Variants in TRPM5 observed in about 807,000 individuals in gnomAD.
TRPM5 encodes the protein transient receptor potential cation channel subfamily M member 5.
A neutral mutation model predicts 124.9 loss-of-function variants in TRPM5; 121 were observed. The ratio of observed to expected loss-of-function variants is 0.97; its 90% CI spans 0.84 to 1.13. The LOEUF (loss-of-function observed/expected upper bound fraction) is 1.13. Ranked by LOEUF, TRPM5 falls within the 50% of genes most tolerant of loss-of-function variation. The pLI, the probability that TRPM5 is intolerant of heterozygous loss-of-function variation, is 0.00. For missense variants in TRPM5, 1,643 were observed against 1,589.1 expected (o/e 1.03, Z -0.58); for synonymous variants, 781 against 700.5 (o/e 1.11, Z -1.81).
At chr11:2,440,079 C>T in the TRPM5 span, among the ~76,000 whole-genome samples, 16 of 152,244 alleles carry the variant, frequency 1.1e-4, no homozygotes, top group East Asian at 3.9e-4. This position sits in a 1 kb window ranked among gnomAD's most constrained non-coding sequence, Gnocchi z 5.2. Context: ...AACTGAGGAA[C>T]GGAAAACCAA....
chr11:2,406,284 A>G (rs1287297791), intron 21 of TRPM5, among the ~76,000 whole-genome samples, 193 bp from the exon 27 acceptor site: 3 of 152,012 alleles, frequency 2.0e-5, no homozygotes, highest in Non-Finnish European at 4.4e-5. Context: ...AGAGCGCTCT[A>G]TGCCTTCCCA....
chr11:2,414,009 G>GGGGGGGGCC, intron 12 of TRPM5, 52 bp downstream of exon 17: 5 of 1,023,730 alleles, frequency 4.9e-6, no homozygotes, highest in Non-Finnish European at 5.7e-6. Flanking sequence ...GGCCCAGCTC[G>GGGGGGGGCC]CCCGCCCACC....
exon 4 of TRPM5, chr11:2,420,278 G>A (rs1201076928): frequency 7.4e-6 from 12 of 1,611,890 alleles, no homozygotes; most frequent in African/African-American, 5.3e-5. Flanking sequence ...CCGCAGCTCC[G>A]TCAGCCCATC....
chr11:2,437,632 A>C, the TRPM5 span, among the ~76,000 whole-genome samples: 1 of 152,198 alleles, frequency 6.6e-6, no homozygotes, highest in Non-Finnish European at 1.5e-5. This position sits in a 1 kb window ranked among gnomAD's most constrained non-coding sequence, Gnocchi z 5.6. Flanking sequence ...GGGGACCCTC[A>C]GGACATTCCA....
At chr11:2,425,390 G>T (rs557322878), upstream of TRPM5, among the ~76,000 whole-genome samples, 8 of 152,098 alleles carry the variant, frequency 5.3e-5, no homozygotes, top group African/African-American at 1.7e-4. Context: ...CTTGGTTGCC[G>T]CATGGTCTGC....
chr11:2,434,313 G>C, the TRPM5 span, among the ~76,000 whole-genome samples: 1 of 152,098 alleles, frequency 6.6e-6, no homozygotes, highest in South Asian at 2.1e-4. Flanking sequence ...CTGTGTGTGT[G>C]TGGACACTGT....
At chr11:2,405,365 G>A (rs1472766896) in intron 23 of TRPM5, among the ~76,000 whole-genome samples, 162 bp downstream of exon 28, 7 of 152,216 alleles carry the variant, frequency 4.6e-5, no homozygotes, top group Admixed American at 2.0e-4. Flanking sequence ...CTCCGTCAGA[G>A]GGCACCCACA....
At chr11:2,421,240 G>C in intron 2 of TRPM5, 42 bp from the exon 8 acceptor site, 8 of 1,516,616 alleles carry the variant, frequency 5.3e-6, no homozygotes, top group Non-Finnish European at 7.0e-6. Flanking sequence ...GCACGCCCCA[G>C]GTCTTCCCTA....
exon 8 of TRPM5, chr11:2,415,983 C>T: frequency 6.3e-7 from 1 of 1,587,290 alleles, no homozygotes; most frequent in Non-Finnish European, 8.6e-7. Context: ...AGCTTGAGCT[C>T]ATCCAGATAG....
exon 3 of TRPM5, chr11:2,421,113 C>T (rs760404469): frequency 7.1e-6 from 11 of 1,545,844 alleles, no homozygotes; most frequent in Admixed American, 3.9e-5. Flanking sequence ...CCTTGGTGGA[C>T]GTGCTGGCCA....
the TRPM5 span, among the ~76,000 whole-genome samples, chr11:2,441,161 G>C: frequency 6.6e-6 from 1 of 152,184 alleles, no homozygotes; most frequent in East Asian, 1.9e-4. This position sits in a 1 kb window ranked among gnomAD's most constrained non-coding sequence, Gnocchi z 7.2. Flanking sequence ...GTCAGTCTTT[G>C]CATCTAGGAC....
At chr11:2,416,608 GC>G (rs1845685915) in intron 7 of TRPM5, among the ~76,000 whole-genome samples, 1 of 152,160 alleles carries the variant, frequency 6.6e-6, no homozygotes, top group African/African-American at 2.4e-5. Flanking sequence ...GTGAGAAGAG[GC>G]GGGGGAGTTC....
chr11:2,417,900 C>T, intron 6 of TRPM5, 71 bp from the exon 12 acceptor site: 1 of 1,408,964 alleles, frequency 7.1e-7, no homozygotes, highest in African/African-American at 1.4e-5. Context: ...CCGTGGTAGA[C>T]ACCAGCGTAG....
At chr11:2,420,567 C>T (rs1260127525) in intron 3 of TRPM5, among the ~76,000 whole-genome samples, 162 bp from the exon 9 acceptor site, 2 of 152,316 alleles carry the variant, frequency 1.3e-5, no homozygotes, top group Admixed American at 6.5e-5. Flanking sequence ...AAAGGAGGGA[C>T]GAACAGCTGG....
the TRPM5 span, among the ~76,000 whole-genome samples, chr11:2,433,315 G>A: frequency 7.9e-4 from 120 of 152,358 alleles, no homozygotes; most frequent in African/African-American, 2.7e-3. Flanking sequence ...CCTGCTCCCC[G>A]CAGAGGGTGC....
At chr11:2,409,803 G>A (rs991208802) in intron 18 of TRPM5, among the ~76,000 whole-genome samples, 2 of 152,196 alleles carry the variant, frequency 1.3e-5, no homozygotes, top group African/African-American at 4.8e-5. Context: ...CCTGTTGCAG[G>A]CGTTTCAGCA....
At chr11:2,404,024 G>A (rs572663835), downstream of TRPM5, 1 of 174,210 alleles carries the variant, frequency 5.7e-6, no homozygotes, top group Non-Finnish European at 1.3e-5. Context: ...AGTGAGAATT[G>A]GAAACCCCAG....
chr11:2,421,136 GCA>G lies in TRPM5; in HGVS notation c.359_360del (p.Val120AlafsTer44). ...GACGTGCTGGCCAGCGAGTGGTCGC[GCA>G]CGGCCTGCCCGACATGCCTGGCCAG... On this transcript the variant is annotated frameshift_variant, in exon 3 of 24. Transcript: ENST00000155858. LOFTEE classifies it high-confidence loss of function. 5 of 1,542,330 alleles carry G rather than the reference GCA, an allele frequency of 3.2e-6. No individual in the cohort carries two copies. The highest frequency in any genetic ancestry group is 4.4e-6 in the Non-Finnish European group (5 of 1,145,670).
intron 18 of TRPM5, among the ~76,000 whole-genome samples, 167 bp from the exon 24 acceptor site, chr11:2,408,079 A>G (rs1261286976): frequency 1.3e-5 from 2 of 152,158 alleles, no homozygotes; most frequent in Non-Finnish European, 1.5e-5. Flanking sequence ...GGGTTTTAGC[A>G]GTGAAAGCCC....
Sources: allele counts gnomAD v4.1 joint callset (sites outside exome capture counted in the v4.1 genomes callset), GRCh38; gene constraint gnomAD v4.1.1; non-coding constraint Gnocchi (gnomAD v3.1); transcripts MANE v1.5; gene names NCBI Gene and HGNC (gene_info 2026-07-23, HGNC 2026-07-21).